ERC2: variants seen among roughly 807,000 people sequenced by gnomAD.
ERC2 encodes the protein ELKS/RAB6-interacting/CAST family member 2, also known as ERC protein 2.
ERC2 carries 42 observed loss-of-function variants against 114.8 expected under a neutral mutation model. The observed-to-expected ratio is 0.37, with a 90% CI of 0.29 to 0.47. The LOEUF (loss-of-function observed/expected upper bound fraction) is 0.47, where lower values mean the gene tolerates loss of function less well. Ranked by LOEUF, ERC2 falls within the 20% of genes least tolerant of loss-of-function variation. The pLI is 0.99. For missense variants in ERC2, 939 were observed against 1,150.7 expected (o/e 0.82, Z 2.66); for synonymous variants, 454 against 425.5 (o/e 1.07, Z -0.82).
intron 2 of ERC2, among the ~76,000 whole-genome samples, chr3:56,419,113 G>C (rs2061286862): frequency 6.6e-6 from 1 of 152,144 alleles, no homozygotes; most frequent in East Asian, 1.9e-4. Flanking sequence ...GATGGTAATG[G>C]GACAGAAAGT....
At chr3:56,161,422 C>T (rs1029162032) in intron 4 of ERC2, among the ~76,000 whole-genome samples, 9 of 152,134 alleles carry the variant, frequency 5.9e-5, no homozygotes, top group Non-Finnish European at 1.3e-4. Context: ...AAAGTTTTTT[C>T]TAGTTCTGAG....
intron 15 of ERC2, among the ~76,000 whole-genome samples, chr3:55,725,715 A>T (rs568428682): frequency 8.8e-4 from 134 of 152,368 alleles, no homozygotes; most frequent in Non-Finnish European, 1.6e-3. Flanking sequence ...AAGACACTCA[A>T]GTGAGAGACT....
intron 17 of ERC2, chr3:55,658,609 C>T (rs2060981620): frequency 6.6e-6 from 1 of 152,648 alleles, no homozygotes; most frequent in African/African-American, 2.4e-5. Flanking sequence ...ACTGGGCAGA[C>T]CAAAGCAATG....
In ERC2 at chr3:56,320,287, ATAT is replaced by A. The variant is rs1245860999; in HGVS notation, c.658-23855_658-23853del. Among the ~76,000 whole-genome samples, 3 of 152,256 alleles carry A rather than the reference ATAT, an allele frequency of 2.0e-5. No individual in the cohort carries two copies. The East Asian group carries it at 5.8e-4, about 29-fold the overall frequency. On this transcript the variant is annotated intron_variant, in intron 2 of 17. Transcript: ENST00000288221. ...CAGCCGACTTTTCAAGGAAACAAAA[ATAT>A]TATTTCAACAACATAGCTTGAAAGG...
At chr3:55,623,325 C>G (rs545305851) in intron 17 of ERC2, among the ~76,000 whole-genome samples, 14 of 152,334 alleles carry the variant, frequency 9.2e-5, no homozygotes, top group Admixed American at 2.6e-4. Flanking sequence ...TTATGATTTT[C>G]TATTCCTCTG....
intron 2 of ERC2, among the ~76,000 whole-genome samples, chr3:56,317,530 T>C (rs1037299289): frequency 1.3e-5 from 2 of 152,210 alleles, no homozygotes; most frequent in Non-Finnish European, 2.9e-5. Flanking sequence ...GTGAGTTTTA[T>C]GAAAATTTGA....
chr3:55,857,642 G>A (rs1191493454), intron 14 of ERC2, among the ~76,000 whole-genome samples: 1 of 152,132 alleles, frequency 6.6e-6, no homozygotes. Flanking sequence ...TGAGCTGGGA[G>A]CATACTTTCA....
intron 3 of ERC2, among the ~76,000 whole-genome samples, chr3:56,211,589 GA>G (rs201165949): frequency 2.3e-4 from 34 of 148,162 alleles, no homozygotes; most frequent in East Asian, 1.2e-3. Flanking sequence ...CACAGAAGTA[GA>G]AAAAAAAAAT....
At chr3:56,076,457 A>G (rs1467177084) in intron 7 of ERC2, among the ~76,000 whole-genome samples, 2 of 152,310 alleles carry the variant, frequency 1.3e-5, no homozygotes, top group South Asian at 4.1e-4. Flanking sequence ...AAAACTCAAT[A>G]GTCAGGTAGC....
intron 1 of ERC2, among the ~76,000 whole-genome samples, chr3:56,435,732 T>G (rs975999232): frequency 3.9e-5 from 6 of 152,176 alleles, no homozygotes; most frequent in Non-Finnish European, 8.8e-5. Context: ...TTACCACCAA[T>G]CAACTGGTAT....
At chr3:55,703,709 C>A (rs992857214) in intron 15 of ERC2, among the ~76,000 whole-genome samples, 1 of 152,218 alleles carries the variant, frequency 6.6e-6, no homozygotes, top group Non-Finnish European at 1.5e-5. Flanking sequence ...GGAGAGGGCA[C>A]ACAGGCTACT....
chr3:55,793,071 A>G (rs1368869034), intron 14 of ERC2, among the ~76,000 whole-genome samples: 1 of 151,656 alleles, frequency 6.6e-6, no homozygotes, highest in Non-Finnish European at 1.5e-5. Flanking sequence ...TACTTATTTT[A>G]TTTTATTTTA....
rs1287386156 is a variant in ERC2 at position 56,265,861 on chromosome 3, T to C, written c.1074+30158A>G. On this transcript the variant is annotated intron_variant, in intron 3 of 17. Transcript: ENST00000288221. Reference sequence around the variant, plus strand: ...CTGGCCAACATACTGAAATCTTGTCTCTCCTAAAAATACAAAAATTAGCCA... The same window carrying C: ...CTGGCCAACATACTGAAATCTTGTCCCTCCTAAAAATACAAAAATTAGCCA... 2.0e-5 allele frequency among the ~76,000 whole-genome samples: 3 copies of C among 151,354 alleles called. No individual in the cohort carries two copies. In the East Asian group the frequency reaches 5.9e-4, roughly 30 times the overall value.
chr3:55,625,008 TC>T (rs139696797), intron 17 of ERC2, among the ~76,000 whole-genome samples: 3,154 of 152,302 alleles, frequency 0.021, 44 homozygotes, highest in Middle Eastern at 0.065. Flanking sequence ...CCCATCCATT[TC>T]CATCTCTCCA....
Position 55,744,303 on chromosome 3 carries a change from C to T in ERC2, c.2565-9385G>A, listed in dbSNP as rs180767282. Among the ~76,000 whole-genome samples, 4 of 152,252 alleles carry T rather than the reference C, an allele frequency of 2.6e-5. No individual in the cohort carries two copies. In the East Asian group the frequency reaches 7.7e-4, roughly 29 times the overall value. ...CCTGTAATCTCAGCTACTCAGGAGG[C>T]TGACACAGGAGAATCACTGGAACCC... On this transcript the variant is annotated intron_variant, in intron 14 of 17. Coordinates refer to ENST00000288221, the MANE Select transcript of ERC2 (RefSeq NM_015576.3).
At chr3:55,667,645 T>G (rs531858959) in intron 17 of ERC2, among the ~76,000 whole-genome samples, 22 of 152,272 alleles carry the variant, frequency 1.4e-4, no homozygotes, top group African/African-American at 5.1e-4. Context: ...AGGGTGCCTC[T>G]CCTAAGCAAT....
intron 15 of ERC2, among the ~76,000 whole-genome samples, chr3:55,729,225 C>T (rs2065099083): frequency 6.6e-6 from 1 of 152,198 alleles, no homozygotes; most frequent in Non-Finnish European, 1.5e-5. Flanking sequence ...TCCTTGCCTC[C>T]TTGCTCACTC....
chr3:56,038,322 A>T (rs1053669235), intron 7 of ERC2, among the ~76,000 whole-genome samples: 2 of 152,244 alleles, frequency 1.3e-5, no homozygotes, highest in Non-Finnish European at 2.9e-5. Flanking sequence ...GCCAACAAAC[A>T]TATGAAAAAA....
intron 4 of ERC2, among the ~76,000 whole-genome samples, chr3:56,153,005 T>C (rs937468879): frequency 6.6e-6 from 1 of 152,188 alleles, no homozygotes; most frequent in Non-Finnish European, 1.5e-5. Context: ...ATGACGGCTA[T>C]AGTTATAGAA....
Sources: gnomAD v4.1 joint callset for allele counts (sites outside exome capture counted in the v4.1 genomes callset) on GRCh38, gnomAD v4.1.1 for gene constraint, MANE v1.5 for transcripts, NCBI Gene and HGNC (gene_info 2026-07-23, HGNC 2026-07-21) for gene names.